Variants in VSIG10L2 observed in about 807,000 individuals in gnomAD.
VSIG10L2 encodes the protein V-set and immunoglobulin domain-containing protein 10-like 2.
In VSIG10L2, 56 loss-of-function variants were observed where a neutral mutation model predicts 67.1. The ratio of observed to expected loss-of-function variants is 0.83; its 90% CI spans 0.67 to 1.04. The LOEUF is 1.04. VSIG10L2 is among the 50% of genes least tolerant of loss of function. The pLI, the probability that VSIG10L2 is intolerant of heterozygous loss-of-function variation, is 0.00. For missense variants in VSIG10L2, 843 were observed against 932.8 expected (o/e 0.90, Z 1.25); for synonymous variants, 360 against 396.6 (o/e 0.91, Z 1.10).
Position 125,950,304 on chromosome 11 carries a change from CGGGT to C in VSIG10L2, c.985+17_985+20del, listed in dbSNP as rs1446316662. The C allele has an allele frequency of 8.1e-7, 1 of 1,232,198 alleles. No individual in the cohort carries two copies. Among genetic ancestry groups the C allele is most frequent in the Non-Finnish European group, 1.0e-6 (1 of 988,144 alleles). The allele number at this position is 1,232,198 out of a possible 1,614,324, so 76.3% of individuals were successfully genotyped here. A position where few individuals can be genotyped will look rare whatever the true frequency, so the allele number is the denominator to read the frequency against. On this transcript the variant is annotated intron_variant, in intron 4 of 11. Transcript: ENST00000686984. ...CACCATCTACTGTGAGTGTGGGGGT[CGGGT>C]GACGCCCAGACCTGTCCTGGGGACA...
In VSIG10L2 at chr11:125,950,515, G is replaced by A. The variant is rs986879834; in HGVS notation, c.985+226G>A. On this transcript the variant is annotated intron_variant, in intron 4 of 11. Transcript: ENST00000686984. Reference sequence around the variant, plus strand: ...AAGGGGAAGGGAGGGGGAAGCTACTGACACTACATAGCACCCCGCCGCTAA... The same window carrying A: ...AAGGGGAAGGGAGGGGGAAGCTACTAACACTACATAGCACCCCGCCGCTAA... Among the ~76,000 whole-genome samples, 6 of 152,150 alleles carry A rather than the reference G, an allele frequency of 3.9e-5. 1 individual carries two copies. The highest frequency in any genetic ancestry group is 7.4e-5 in the Non-Finnish European group (5 of 68,012).
At chr11:125,948,887 G>A (rs1945328909) in intron 3 of VSIG10L2, among the ~76,000 whole-genome samples, 4 of 152,372 alleles carry the variant, frequency 2.6e-5, no homozygotes, top group Non-Finnish European at 5.9e-5. Flanking sequence ...GGTTGAGCCT[G>A]GAGGGCTCTC....
chr11:125,949,341 C>T (rs1360145382), intron 3 of VSIG10L2, among the ~76,000 whole-genome samples: 2 of 152,082 alleles, frequency 1.3e-5, no homozygotes, highest in Admixed American at 1.3e-4. Context: ...TGTCTGGCAT[C>T]CGCCTATTGG....
Position 125,947,934 on chromosome 11 carries a change from G to A in VSIG10L2, c.331G>A (p.Glu111Lys). ...SLRNSSLVLG[E>K]LHEGARGHFL... ...GAGGAACAGCAGCCTGGTGCTGGGG[G>A]AGCTTCACGAGGGTGCCCGTGGCCA... Residue 111 changes from glutamate to lysine, a missense_variant, in exon 2 of 12, where the codon GAG (glutamate) becomes AAG (lysine). This residue lies in a region of VSIG10L2 where 446 missense variants were observed against 548.4 expected (regional missense o/e 0.81). Coordinates refer to ENST00000686984, the MANE Select transcript of VSIG10L2 (RefSeq NM_001365077.2). The A allele has an allele frequency of 8.1e-7, 1 of 1,232,316 alleles. No individual in the cohort carries two copies. The highest frequency in any genetic ancestry group is 1.0e-6 in the Non-Finnish European group (1 of 988,076). 76.3% of individuals were successfully genotyped at this position (1,232,316 alleles called of 1,614,324 possible).
chr11:125,954,936 G>A, intron 8 of VSIG10L2, 121 bp from the exon 9 acceptor site: 1 of 1,045,492 alleles, frequency 9.6e-7, no homozygotes, highest in Non-Finnish European at 1.2e-6. Context: ...CATGTCAGCT[G>A]CAGGGGGAAC....
Position 125,956,283 on chromosome 11 carries a change from C to A in VSIG10L2, c.*369C>A. Reference sequence around the variant, plus strand: ...CCAGAAAAAAAGTCTGTGGATGGAGCAATTCCTAAATAAATCAGAGCTGAT... The same window carrying A: ...CCAGAAAAAAAGTCTGTGGATGGAGAAATTCCTAAATAAATCAGAGCTGAT... On this transcript the variant is annotated 3_prime_UTR_variant, in exon 12 of 12. Transcript: ENST00000686984. 1 of 596,554 alleles carries A rather than the reference C, an allele frequency of 1.7e-6. No individual in the cohort carries two copies. The highest frequency in any genetic ancestry group is 2.8e-6 in the Non-Finnish European group (1 of 350,992). The allele number at this position is 596,554 out of a possible 1,614,324, so 37.0% of individuals were successfully genotyped here.
At chr11:125,951,205 T>G (rs1945363967) in intron 5 of VSIG10L2, 47 bp downstream of exon 5, 6 of 1,232,250 alleles carry the variant, frequency 4.9e-6, no homozygotes, top group Non-Finnish European at 6.1e-6. Flanking sequence ...CCAGGCAGAG[T>G]GTGGGTAGAG....
intron 3 of VSIG10L2, among the ~76,000 whole-genome samples, 163 bp from the exon 4 acceptor site, chr11:125,949,851 A>G (rs1945342344): frequency 6.6e-6 from 1 of 152,116 alleles, no homozygotes; most frequent in South Asian, 2.1e-4. Context: ...GACTGTGCCC[A>G]TGGCCCCTGG....
At chr11:125,952,716 T>A (rs574339140) in intron 6 of VSIG10L2, among the ~76,000 whole-genome samples, 1 of 152,250 alleles carries the variant, frequency 6.6e-6, no homozygotes, top group Non-Finnish European at 1.5e-5. Context: ...CTTATCTTCA[T>A]CTGGCTCTGC....
rs1945417424 is a variant in VSIG10L2, at chr11:125,954,100, T to C, written c.1800T>C (p.Pro600=). ...ACCCTCACCCAGGATATCCAGCTCC[T>C]CCCAATGTCACCATCAGCCGCCTGA... The part of the protein sequence containing the change: ...VLLEVLRYPA[P]PNVTISRLTY... Residue 600 remains proline (P), a synonymous_variant, in exon 8 of 12, where the codon CCT becomes CCC. Transcript: ENST00000686984. The C allele has an allele frequency of 1.6e-6, 2 of 1,232,014 alleles. No individual in the cohort carries two copies. Among genetic ancestry groups the C allele is most frequent in the Admixed American group, 4.2e-5 (1 of 23,692 alleles). The allele number at this position is 1,232,014 out of a possible 1,614,324, so 76.3% of individuals were successfully genotyped here.
chr11:125,953,691 G>C lies in VSIG10L2; in HGVS notation c.1786+1G>C. 8.1e-7 allele frequency: 1 copy of C among 1,232,244 alleles called. No individual in the cohort carries two copies. The highest frequency in any genetic ancestry group is 1.0e-6 in the Non-Finnish European group (1 of 987,998). The allele number at this position is 1,232,244 out of a possible 1,614,324, so 76.3% of individuals were successfully genotyped here. ...CAGAGTGTGCTGCTGGAGGTCCTGA[G>C]TGAGTGAGGGGTTGAATGCGTGTGT... On this transcript the variant is annotated splice_donor_variant, in intron 7 of 11. Coordinates refer to ENST00000686984, the MANE Select transcript of VSIG10L2 (RefSeq NM_001365077.2). LOFTEE classifies it high-confidence loss of function.
chr11:125,952,006 CAG>C lies in VSIG10L2; in HGVS notation c.1433_1434del (p.Glu478ValfsTer13), dbSNP rs1565477334. On this transcript the variant is annotated frameshift_variant, in exon 6 of 12. Coordinates refer to ENST00000686984, the MANE Select transcript of VSIG10L2 (RefSeq NM_001365077.2). LOFTEE classifies it high-confidence loss of function. ...LLQAQEDLAG[R>X]EFTCRGTHLL... ...TGCAGGCCCAAGAAGATCTGGCTGG[CAG>C]AGAGTTCACCTGCCGGGGCACTCAC... 7 of 1,536,140 alleles carry C rather than the reference CAG, an allele frequency of 4.6e-6. No individual in the cohort carries two copies. The highest frequency in any genetic ancestry group is 1.7e-4 in the Middle Eastern group (1 of 5,990).
intron 9 of VSIG10L2, among the ~76,000 whole-genome samples, 83 bp from the exon 10 acceptor site, chr11:125,955,399 G>A (rs1235905787): frequency 1.3e-5 from 2 of 152,196 alleles, no homozygotes; most frequent in East Asian, 3.9e-4. Flanking sequence ...CTAGTACAGA[G>A]CCCACTGGGA....
intron 1 of VSIG10L2, among the ~76,000 whole-genome samples, chr11:125,947,249 A>T (rs1166485684): frequency 1.3e-5 from 2 of 152,070 alleles, no homozygotes; most frequent in Non-Finnish European, 2.9e-5. Context: ...GGCCAAGCAG[A>T]TCTCCTTATC....
Position 125,950,979 on chromosome 11 carries a change from G to A in VSIG10L2, c.1055G>A (p.Trp352Ter). The change falls in exon 5 of 12, where the codon TGG (tryptophan) becomes TAG (stop). Residue 352 changes from tryptophan to a stop codon, truncating the protein, a stop_gained. Transcript: ENST00000686984. LOFTEE classifies it high-confidence loss of function. Reference protein sequence around the residue: ...SPEAVTLLCAWPGGLPPAQLQ... With the variant: ...SPEAVTLLCA ...GAGGCTGTGACCCTGCTCTGTGCCTGGCCTGGGGGGCTTCCGCCTGCCCAA... is the reference window on the plus strand; with the variant it reads ...GAGGCTGTGACCCTGCTCTGTGCCTAGCCTGGGGGGCTTCCGCCTGCCCAA... 1.6e-6 allele frequency: 2 copies of A among 1,232,414 alleles called. No homozygotes were observed. The highest frequency in any genetic ancestry group is 2.0e-6 in the Non-Finnish European group (2 of 988,212). The allele number at this position is 1,232,414 out of a possible 1,614,324, so 76.3% of individuals were successfully genotyped here.
chr11:125,950,296 G>A lies in VSIG10L2; in HGVS notation c.985+7G>A. 8.1e-7 allele frequency: 1 copy of A among 1,232,456 alleles called. No homozygotes were observed. The highest frequency in any genetic ancestry group is 1.0e-6 in the Non-Finnish European group (1 of 988,182). The allele number at this position is 1,232,456 out of a possible 1,614,324, so 76.3% of individuals were successfully genotyped here. A position where few individuals can be genotyped will look rare whatever the true frequency, so the allele number is the denominator to read the frequency against. ...GTCCAGCTCACCATCTACTGTGAGT[G>A]TGGGGGTCGGGTGACGCCCAGACCT... On this transcript the variant is annotated splice_region_variant and intron_variant, in intron 4 of 11. Transcript: ENST00000686984.
At chr11:125,947,460 G>C in intron 1 of VSIG10L2, 1 of 985,426 alleles carries the variant, frequency 1.0e-6, no homozygotes, top group African/African-American at 1.7e-5. Context: ...TCCATTCTCT[G>C]ACTTCAGTCA....
Position 125,953,402 on chromosome 11 carries a change from G to A in VSIG10L2, c.1498G>A (p.Ala500Thr). Reference protein sequence around the residue: ...PDPHCHLQLEAPQLDVAEPRV... With the variant: ...PDPHCHLQLETPQLDVAEPRV... The stretch of plus-strand genomic sequence containing the variant: ...CCTCATCCTCTCTGTCCCCGCAGAA[G>A]CCCCACAGCTGGACGTGGCTGAGCC... Residue 500 changes from alanine (A) to threonine (T), a missense_variant and splice_region_variant, in exon 7 of 12, where the codon GCC (alanine) becomes ACC (threonine). Physicochemically the swap from Ala to Thr is moderately conservative, Grantham distance 58 (BLOSUM62 0). This residue lies in a region of VSIG10L2 where 397 missense variants were observed against 384.4 expected (regional missense o/e 1.03). Coordinates refer to ENST00000686984, the MANE Select transcript of VSIG10L2 (RefSeq NM_001365077.2). The A allele has an allele frequency of 8.1e-7, 1 of 1,232,452 alleles. No individual in the cohort carries two copies. Among genetic ancestry groups the A allele is most frequent in the Middle Eastern group, 3.1e-4 (1 of 3,208 alleles). 76.3% of individuals were successfully genotyped at this position (1,232,452 alleles called of 1,614,324 possible). A position where few individuals can be genotyped will look rare whatever the true frequency, so the allele number is the denominator to read the frequency against.
chr11:125,955,854 T>C lies in VSIG10L2; in HGVS notation c.2322T>C (p.Pro774=). Residue 774 remains proline (P), a synonymous_variant, in exon 12 of 12, where the codon CCT becomes CCC. Coordinates refer to ENST00000686984, the MANE Select transcript of VSIG10L2 (RefSeq NM_001365077.2). ...ETPTTTPGLD[P]AQETTDSPVN... ...CAACCACCACCCCAGGTTTGGATCC[T>C]GCACAAGAAACCACGGATTCTCCAG... 1.4e-6 allele frequency: 1 copy of C among 702,092 alleles called. No homozygotes were observed. The highest frequency in any genetic ancestry group is 1.5e-5 in the South Asian group (1 of 65,944). 43.5% of individuals were successfully genotyped at this position (702,092 alleles called of 1,614,324 possible).
Sources: allele counts gnomAD v4.1 joint callset (sites outside exome capture counted in the v4.1 genomes callset), GRCh38; gene constraint gnomAD v4.1.1; regional missense constraint gnomAD v4.1.1; transcripts MANE v1.5; gene names NCBI Gene and HGNC (gene_info 2026-07-23, HGNC 2026-07-21).